The following SPIRE1 variants were observed in gnomAD, a reference collection of about 807,000 sequenced individuals.
The protein encoded by SPIRE1 is spire type actin nucleation factor 1.
Under a neutral mutation model 94.1 loss-of-function variants are expected in SPIRE1, and 40 were observed. That is an observed-to-expected ratio of 0.43 (90% CI 0.33 to 0.55). The LOEUF is 0.55. Ranked by LOEUF, SPIRE1 falls within the 20% of genes least tolerant of loss-of-function variation. The pLI, the probability that SPIRE1 is intolerant of heterozygous loss-of-function variation, is 0.06. For synonymous variants in SPIRE1, 376 were observed against 371.7 expected, an observed-to-expected ratio of 1.01 and a Z score of -0.13; for missense variants, 838 against 975.2, an observed-to-expected ratio of 0.86 and a Z score of 1.87.
rs544725321 is a variant in SPIRE1 at position 12,527,138 on chromosome 18, GTCT to G, written c.729+8335_729+8337del. ...CCATATGGATATTATGTTCTGTCAA[GTCT>G]TCTTCAAAATCCCAAGCTCCTCCAC... On this transcript the variant is annotated intron_variant, in intron 4 of 16. Transcript: ENST00000409402. 4.6e-3 allele frequency among the ~76,000 whole-genome samples: 697 copies of G among 152,252 alleles called. 4 individuals carry two copies. Among genetic ancestry groups the G allele is most frequent in the South Asian group, 0.022 (105 of 4,824 alleles).
chr18:12,493,070 A>G lies in SPIRE1; in HGVS notation c.1189+2T>C. Reference sequence around the variant, plus strand: ...ACTGAGTACAGGAAGCAGTGGACTCACCTAATCTGCTACGTCTAATCTCCT... The same window carrying G: ...ACTGAGTACAGGAAGCAGTGGACTCGCCTAATCTGCTACGTCTAATCTCCT... On this transcript the variant is annotated splice_donor_variant, in intron 8 of 16. Coordinates refer to ENST00000409402, the MANE Select transcript of SPIRE1 (RefSeq NM_001128626.2). LOFTEE classifies it high-confidence loss of function. The G allele has an allele frequency of 6.2e-7, 1 of 1,609,532 alleles. No homozygotes were observed. The highest frequency in any genetic ancestry group is 8.5e-7 in the Non-Finnish European group (1 of 1,178,896).
chr18:12,577,217 G>A (rs1343516141), intron 2 of SPIRE1, among the ~76,000 whole-genome samples: 5 of 148,138 alleles, frequency 3.4e-5, no homozygotes, highest in South Asian at 4.3e-4. Flanking sequence ...GTGCAATCTC[G>A]GCTCACTGCA....
At chr18:12,485,894 T>A in intron 9 of SPIRE1, 65 bp downstream of exon 9, 1 of 1,184,976 alleles carries the variant, frequency 8.4e-7, no homozygotes, top group Non-Finnish European at 1.2e-6. Context: ...AGCAGATGAA[T>A]GAAATGTATT....
chr18:12,517,545 T>C (rs2034232635), intron 4 of SPIRE1, among the ~76,000 whole-genome samples: 1 of 152,234 alleles, frequency 6.6e-6, no homozygotes, highest in South Asian at 2.1e-4. Flanking sequence ...TTTCTTTTTT[T>C]TGCTTGCAGA....
At chr18:12,605,257 G>A (rs1014534043) in intron 2 of SPIRE1, among the ~76,000 whole-genome samples, 4 of 152,014 alleles carry the variant, frequency 2.6e-5, no homozygotes, top group Non-Finnish European at 4.4e-5. Flanking sequence ...GGTGGCTCAC[G>A]CCTGTAATCC....
At chr18:12,625,816 G>A (rs2037605341) in intron 2 of SPIRE1, among the ~76,000 whole-genome samples, 1 of 152,172 alleles carries the variant, frequency 6.6e-6, no homozygotes, top group South Asian at 2.1e-4. Context: ...GCCAAGGCGG[G>A]TGGATCACCT....
chr18:12,573,015 C>T (rs532124648), intron 2 of SPIRE1, among the ~76,000 whole-genome samples: 2 of 152,192 alleles, frequency 1.3e-5, no homozygotes, highest in South Asian at 4.2e-4. Flanking sequence ...ATTGACTAAG[C>T]TGGACTTTAT....
intron 1 of SPIRE1, among the ~76,000 whole-genome samples, chr18:12,649,371 T>G (rs1382672895): frequency 6.6e-6 from 1 of 152,168 alleles, no homozygotes; most frequent in Admixed American, 6.6e-5. Context: ...ATCATACTAC[T>G]GCACTCCAGC....
chr18:12,450,301 G>A, intron 16 of SPIRE1: 1 of 291,198 alleles, frequency 3.4e-6, no homozygotes, highest in East Asian at 6.9e-5. Flanking sequence ...GAAGGTTGCA[G>A]TGAGCTGAGA....
chr18:12,557,515 C>A (rs2035551507), intron 2 of SPIRE1, among the ~76,000 whole-genome samples: 2 of 152,108 alleles, frequency 1.3e-5, no homozygotes, highest in Non-Finnish European at 2.9e-5. Flanking sequence ...CAGTTCCCGC[C>A]CACACCTCTC....
chr18:12,616,351 GGA>G (rs775369474), intron 2 of SPIRE1, among the ~76,000 whole-genome samples: 1 of 152,184 alleles, frequency 6.6e-6, no homozygotes, highest in African/African-American at 2.4e-5. Flanking sequence ...CATCTGGAGT[GGA>G]GAGTCTAGAT....
At chr18:12,467,871 C>T (rs2032185353) in intron 10 of SPIRE1, among the ~76,000 whole-genome samples, 1 of 152,132 alleles carries the variant, frequency 6.6e-6, no homozygotes, top group South Asian at 2.1e-4. Flanking sequence ...ATCACTTGAA[C>T]CCGGGAGGTG....
In SPIRE1 at chr18:12,499,573, A is replaced by G. The variant is rs28599545; in HGVS notation, c.973-3471T>C. On this transcript the variant is annotated intron_variant, in intron 6 of 16. Transcript: ENST00000409402. The stretch of plus-strand genomic sequence containing the variant: ...ATGTTTGACCCTTACCTTGCACCAT[A>G]TATATAAATTAACTAAAAAAACTGA... Among the ~76,000 whole-genome samples the G allele has an allele frequency of 2.5e-3, 387 of 152,162 alleles. 5 individuals are homozygous for G. The highest frequency in any genetic ancestry group is 9.0e-3 in the African/African-American group (374 of 41,558).
In SPIRE1 at chr18:12,657,626, G is replaced by C. The variant is rs998606007; in HGVS notation, c.241C>G (p.Arg81Gly). Residue 81 changes from arginine to glycine, a missense_variant, in exon 1 of 17, where the codon CGT becomes GGT. Around this residue, in one of 2 missense-constraint regions of SPIRE1, gnomAD observed 193 missense variants for 170.5 expected, o/e 1.13. Coordinates refer to ENST00000409402, the MANE Select transcript of SPIRE1 (RefSeq NM_001128626.2). ...CGGATCTGCGCGGCCGAGCGCACAC[G>C]GTGGCGGGGCTGGCGGCGGCGGGCG... ...AAARRRQPRHRVRSAAQIRVW... is the reference protein window; with the variant it reads ...AAARRRQPRHGVRSAAQIRVW... The C allele has an allele frequency of 6.1e-6, 8 of 1,309,258 alleles. No individual in the cohort carries two copies. The African/African-American group carries it at 7.6e-5, about 12-fold the overall frequency. The allele number at this position is 1,309,258 out of a possible 1,614,324, so 81.1% of individuals were successfully genotyped here. A position where few individuals can be genotyped will look rare whatever the true frequency, so the allele number is the denominator to read the frequency against.
At chr18:12,548,539 T>C (rs745569120) in intron 2 of SPIRE1, among the ~76,000 whole-genome samples, 3 of 152,136 alleles carry the variant, frequency 2.0e-5, no homozygotes, top group Non-Finnish European at 4.4e-5. Context: ...TATTTTTTAC[T>C]GAAAACATGT....
intron 3 of SPIRE1, among the ~76,000 whole-genome samples, chr18:12,541,725 T>C (rs2035019422): frequency 6.6e-6 from 1 of 152,128 alleles, no homozygotes; most frequent in African/African-American, 2.4e-5. Context: ...CAATGTATGA[T>C]TGGATTTTGT....
chr18:12,554,527 G>T (rs2035446406), intron 2 of SPIRE1, among the ~76,000 whole-genome samples: 1 of 152,048 alleles, frequency 6.6e-6, no homozygotes, highest in Admixed American at 6.6e-5. Context: ...AAAATCCTAG[G>T]ACCCAATAGC....
At chr18:12,599,061 A>G (rs1200850960) in intron 2 of SPIRE1, among the ~76,000 whole-genome samples, 1 of 152,130 alleles carries the variant, frequency 6.6e-6, no homozygotes, top group Non-Finnish European at 1.5e-5. Flanking sequence ...GTAAGTCACA[A>G]ACTTTATGCC....
intron 2 of SPIRE1, among the ~76,000 whole-genome samples, chr18:12,557,797 C>T (rs1258588719): frequency 6.6e-6 from 1 of 152,012 alleles, no homozygotes; most frequent in African/African-American, 2.4e-5. Flanking sequence ...ACCAAAACAT[C>T]ATGGTACTGG....
Sources: allele counts gnomAD v4.1 joint callset (sites outside exome capture counted in the v4.1 genomes callset), GRCh38; gene constraint gnomAD v4.1.1; regional missense constraint gnomAD v4.1.1; transcripts MANE v1.5; gene names NCBI Gene and HGNC (gene_info 2026-07-23, HGNC 2026-07-21).